The following HCLS1 variants were observed in gnomAD, a reference collection of about 807,000 sequenced individuals.
HCLS1 encodes the protein hematopoietic cell-specific Lyn substrate 1.
In HCLS1, 44 loss-of-function variants were observed where a neutral mutation model predicts 68.6. The observed-to-expected ratio is 0.64, with a 90% CI of 0.50 to 0.82. HCLS1 has a LOEUF of 0.82. Ranked by LOEUF, HCLS1 falls within the 40% of genes least tolerant of loss-of-function variation. HCLS1 has a pLI of 0.00. For missense variants in HCLS1, 602 were observed against 612.1 expected, an observed-to-expected ratio of 0.98 and a Z score of 0.17; for synonymous variants, 217 against 225.8, an observed-to-expected ratio of 0.96 and a Z score of 0.35.
intron 3 of HCLS1, among the ~76,000 whole-genome samples, chr3:121,650,051 A>G (rs928335272): frequency 6.6e-6 from 1 of 152,238 alleles, no homozygotes; most frequent in African/African-American, 2.4e-5. Flanking sequence ...CTGGCCATAA[A>G]CATTTGGAAA....
chr3:121,632,334 G>C lies in HCLS1; in HGVS notation c.1238C>G (p.Ala413Gly). 6.2e-7 allele frequency: 1 copy of C among 1,613,892 alleles called. No homozygotes were observed. Among genetic ancestry groups the C allele is most frequent in the African/African-American group, 1.3e-5 (1 of 75,016 alleles). Residue 413 changes from alanine (A) to glycine (G), a missense_variant and splice_region_variant, in exon 12 of 14, where the codon GCT (alanine) becomes GGT (glycine). Physicochemically the swap from Ala to Gly is moderately conservative, Grantham distance 60 (BLOSUM62 0). Coordinates refer to ENST00000314583, the MANE Select transcript of HCLS1 (RefSeq NM_005335.6). The stretch of plus-strand genomic sequence containing the variant: ...CTGCTTCTCCTCCCATCACTCACCA[G>C]CCAGAGCAGAAGAAAAAGAAGAATC... ...PEDSSFSSAL[A>G]GSSGCPAGAG... is the part of the protein sequence containing the mutation.
chr3:121,638,606 T>C (rs1232386708), intron 6 of HCLS1, among the ~76,000 whole-genome samples: 1 of 152,200 alleles, frequency 6.6e-6, no homozygotes, highest in Non-Finnish European at 1.5e-5. Context: ...AGCCTACATC[T>C]GAGTGTAGAA....
chr3:121,638,745 A>C (rs147970530), intron 6 of HCLS1, among the ~76,000 whole-genome samples: 11 of 152,326 alleles, frequency 7.2e-5, no homozygotes, highest in Non-Finnish European at 1.5e-4. Context: ...TGAATATGAG[A>C]TAAAGTGATC....
intron 3 of HCLS1, 31 bp downstream of exon 3, chr3:121,657,248 C>T (rs901533771): frequency 1.3e-6 from 2 of 1,597,732 alleles, no homozygotes; most frequent in Non-Finnish European, 8.6e-7. Context: ...CCATAACCCC[C>T]TTCCTTTTCT....
Position 121,631,979 on chromosome 3 carries a change from C to T in HCLS1, c.1328G>A (p.Gly443Glu). Residue 443 changes from glycine (G) to glutamate (E), a missense_variant, in exon 14 of 14, where the codon GGA becomes GAA. Transcript: ENST00000314583. ...CGGATCAAAGGAAAGCTCATCACTT[C>T]CCTCTGGGGAGAAAGTTGAGGGGAT... ...AVAVYDYQGE[G>E]SDELSFDPDD... is the part of the protein sequence containing the mutation. 1 of 1,614,206 alleles carries T rather than the reference C, an allele frequency of 6.2e-7. No homozygotes were observed. Among genetic ancestry groups the T allele is most frequent in the Non-Finnish European group, 8.5e-7 (1 of 1,180,038 alleles).
At chr3:121,637,339 A>G in intron 6 of HCLS1, 83 bp from the exon 7 acceptor site, 4 of 884,130 alleles carry the variant, frequency 4.5e-6, no homozygotes, top group Non-Finnish European at 7.7e-6. Context: ...GTCAGCAGGA[A>G]TGGGTACAGA....
intron 3 of HCLS1, chr3:121,655,743 G>A (rs1307425766): frequency 7.1e-6 from 1 of 141,550 alleles, no homozygotes; most frequent in Non-Finnish European, 1.5e-5. Context: ...CTTCCTGAAT[G>A]ACCCTGTTCC....
In HCLS1 at chr3:121,633,093, G is replaced by A. The variant is rs765082128; in HGVS notation, c.982C>T (p.Leu328=). Residue 328 remains leucine, a synonymous_variant, in exon 11 of 14, where the codon CTG becomes TTG. Coordinates refer to ENST00000314583, the MANE Select transcript of HCLS1 (RefSeq NM_005335.6). ...TCCGGGAGAGTCTGCCTAATGGGCA[G>A]CAAGGGCACTGGGTGTTCCCTGCTG... The part of the protein sequence containing the change: ...RTSREHPVPL[L]PIRQTLPEDN... The A allele has an allele frequency of 2.5e-6, 4 of 1,612,846 alleles. No individual in the cohort carries two copies. The South Asian group carries it at 4.4e-5, about 18-fold the overall frequency.
rs1263314496 is a variant in HCLS1 at position 121,658,249 on chromosome 3, T to G, written c.84+15A>C. On this transcript the variant is annotated intron_variant, in intron 2 of 13. Transcript: ENST00000314583. ...ACCCTCTGCACTGTCCAAGCAAAGC[T>G]ACTTCCAAACTCACCACAAAGTCAG... 6.2e-7 allele frequency: 1 copy of G among 1,605,790 alleles called. No homozygotes were observed. The highest frequency in any genetic ancestry group is 1.3e-5 in the African/African-American group (1 of 74,688).
At chr3:121,647,137 ACGCACGG>A (rs1937623073) in intron 4 of HCLS1, among the ~76,000 whole-genome samples, 175 bp downstream of exon 4, 1 of 151,326 alleles carries the variant, frequency 6.6e-6, no homozygotes, top group South Asian at 2.1e-4. Context: ...ACCCACCACG[ACGCACGG>A]CTAATTTTTT....
chr3:121,637,336 G>T, intron 6 of HCLS1, 80 bp from the exon 7 acceptor site: 1 of 909,274 alleles, frequency 1.1e-6, no homozygotes, highest in Non-Finnish European at 1.9e-6. Context: ...GAGGTCAGCA[G>T]GAATGGGTAC....
rs1286937886 is a variant in HCLS1, at chr3:121,634,278, C to G, written c.832G>C (p.Ala278Pro). ...TCCATAGCTATCACTGGCTGTGGAG[C>G]CTCAGGGCTCCTCTTTGTCACAGCC... ...RKAVTKRSPE[A>P]PQPVIAMEEP... is the part of the protein sequence containing the mutation. Residue 278 changes from alanine (A) to proline (P), a missense_variant, in exon 10 of 14, where the codon GCT (alanine) becomes CCT (proline). Physicochemically the swap from Ala to Pro is conservative, Grantham distance 27 (BLOSUM62 -1). Transcript: ENST00000314583. 6.2e-7 allele frequency: 1 copy of G among 1,614,146 alleles called. No homozygotes were observed. Among genetic ancestry groups the G allele is most frequent in the East Asian group, 2.2e-5 (1 of 44,888 alleles).
chr3:121,653,473 A>G (rs1006122497), intron 3 of HCLS1: 1 of 152,226 alleles, frequency 6.6e-6, no homozygotes, highest in African/African-American at 2.4e-5. Context: ...TGTGTTTTGC[A>G]AGACATATAA....
At chr3:121,633,034 G>A (rs1191615697) in intron 11 of HCLS1, 33 bp downstream of exon 11, 1 of 1,428,796 alleles carries the variant, frequency 7.0e-7, no homozygotes, top group African/African-American at 1.4e-5. Flanking sequence ...AGAAGATGGG[G>A]TGGGGGCAGA....
chr3:121,631,781 A>AG lies in HCLS1; in HGVS notation c.*64dup. The AG allele has an allele frequency of 6.4e-7, 1 of 1,554,180 alleles. No homozygotes were observed. Among genetic ancestry groups the AG allele is most frequent in the Non-Finnish European group, 8.8e-7 (1 of 1,130,050 alleles). ...TTAGACATTTGCAGCAGGAATAGGGAGGGGGTGGAGGCAGAGCCACTTTGG... is the reference window on the plus strand; with the variant it reads ...TTAGACATTTGCAGCAGGAATAGGGAGGGGGGTGGAGGCAGAGCCACTTTGG... On this transcript the variant is annotated 3_prime_UTR_variant, in exon 14 of 14. Coordinates refer to ENST00000314583, the MANE Select transcript of HCLS1 (RefSeq NM_005335.6).
intron 6 of HCLS1, 146 bp downstream of exon 6, chr3:121,642,777 AAAAC>A: frequency 1.5e-6 from 1 of 685,112 alleles, no homozygotes; most frequent in Non-Finnish European, 2.6e-6. Flanking sequence ...CCCTGTCTCA[AAAAC>A]AAACAAATGA....
chr3:121,658,356 G>T lies in HCLS1; in HGVS notation c.1-9C>A. 1 of 1,605,700 alleles carries T rather than the reference G, an allele frequency of 6.2e-7. No homozygotes were observed. Among genetic ancestry groups the T allele is most frequent in the South Asian group, 1.1e-5 (1 of 90,878 alleles). Reference sequence around the variant, plus strand: ...ACTACAGACTTCCACATCTGAGAGTGACCGGAGATGGGAATAATTAGGGAC... The same window carrying T: ...ACTACAGACTTCCACATCTGAGAGTTACCGGAGATGGGAATAATTAGGGAC... On this transcript the variant is annotated splice_polypyrimidine_tract_variant and intron_variant, in intron 1 of 13. Coordinates refer to ENST00000314583, the MANE Select transcript of HCLS1 (RefSeq NM_005335.6).
Position 121,631,891 on chromosome 3 carries a change from G to T in HCLS1, c.1416C>A (p.Gly472=). The change falls in exon 14 of 14, where the codon GGC becomes GGA. Residue 472 remains glycine, a synonymous_variant. Transcript: ENST00000314583. ...AATTTGCAGGGAAGAGTCCAAAGTG[G>T]CCATGGCAACGTCCCCGCCACCAGC... ...DEGWWRGRCH[G]HFGLFPANYV... The T allele has an allele frequency of 1.2e-6, 2 of 1,614,136 alleles. No individual in the cohort carries two copies. The highest frequency in any genetic ancestry group is 1.7e-6 in the Non-Finnish European group (2 of 1,180,012).
rs1406667086 is a variant in HCLS1, at chr3:121,634,255, C to A, written c.855G>T (p.Met285Ile). The change falls in exon 10 of 14, where the codon ATG becomes ATT. Residue 285 changes from methionine (M) to isoleucine (I), a missense_variant. Physicochemically the swap from Met to Ile is conservative, Grantham distance 10. Coordinates refer to ENST00000314583, the MANE Select transcript of HCLS1 (RefSeq NM_005335.6). ...SPEAPQPVIA[M>I]EEPAVPAPLP... The stretch of plus-strand genomic sequence containing the variant: ...GTGGGGCCGGTACTGCTGGCTCTTC[C>A]ATAGCTATCACTGGCTGTGGAGCCT... 6.2e-7 allele frequency: 1 copy of A among 1,614,074 alleles called. No homozygotes were observed. Among genetic ancestry groups the A allele is most frequent in the South Asian group, 1.1e-5 (1 of 91,088 alleles).
Sources: allele counts gnomAD v4.1 joint callset (sites outside exome capture counted in the v4.1 genomes callset), GRCh38; gene constraint gnomAD v4.1.1; transcripts MANE v1.5; gene names NCBI Gene and HGNC (gene_info 2026-07-23, HGNC 2026-07-21).